The following RGS7 variants were observed in gnomAD, a reference collection of about 807,000 sequenced individuals.
RGS7 encodes regulator of G protein signaling 7.
RGS7 carries 27 observed loss-of-function variants against 81.1 expected under a neutral mutation model. The ratio of observed to expected loss-of-function variants is 0.33; its 90% CI spans 0.25 to 0.46. The LOEUF (loss-of-function observed/expected upper bound fraction) is 0.46, where lower values mean the gene tolerates loss of function less well. Ranked by LOEUF, RGS7 falls within the 20% of genes least tolerant of loss-of-function variation. The pLI, the probability that RGS7 is intolerant of heterozygous loss-of-function variation, is 1.00. For missense variants in RGS7, 396 were observed against 607.4 expected (o/e 0.65, Z 3.66); for synonymous variants, 208 against 207.7 (o/e 1.00, Z -0.01).
intron 3 of RGS7, among the ~76,000 whole-genome samples, chr1:241,007,591 TAGAA>T (rs1158437873): frequency 4.6e-5 from 7 of 152,248 alleles, no homozygotes; most frequent in South Asian, 4.1e-4. Context: ...TTTTCTGAGA[TAGAA>T]AGAAAGAATT....
At chr1:240,874,678 G>C (rs534999884) in intron 6 of RGS7, among the ~76,000 whole-genome samples, 2 of 152,224 alleles carry the variant, frequency 1.3e-5, no homozygotes, top group South Asian at 4.2e-4. Flanking sequence ...GCTTTGCTAT[G>C]ACTAAATCAA....
chr1:241,278,842 C>T (rs1437313503), intron 2 of RGS7, among the ~76,000 whole-genome samples: 1 of 152,220 alleles, frequency 6.6e-6, no homozygotes, highest in Admixed American at 6.5e-5. Context: ...CCTGTTCAGA[C>T]ACTGACATTT....
In RGS7 at chr1:241,292,850, AG is replaced by A. The variant is rs144275332; in HGVS notation, c.78+62848del. Among the ~76,000 whole-genome samples the A allele has an allele frequency of 2.3e-3, 350 of 152,354 alleles. 3 individuals carry two copies. Among genetic ancestry groups the A allele is most frequent in the Middle Eastern group, 0.01 (3 of 294 alleles). On this transcript the variant is annotated intron_variant, in intron 2 of 18. Transcript: ENST00000440928. Reference sequence around the variant, plus strand: ...AGAAACAATTATTCTGAAAATGTAGAGGAAAAGTATAGCTCTTTAAAATTAT... The same window carrying A: ...AGAAACAATTATTCTGAAAATGTAGAGAAAAGTATAGCTCTTTAAAATTAT...
intron 9 of RGS7, among the ~76,000 whole-genome samples, chr1:240,853,214 T>C (rs140915692): frequency 5.9e-4 from 90 of 152,316 alleles, no homozygotes; most frequent in African/African-American, 2.1e-3. Context: ...TTGGAGAATG[T>C]ATCAGTTGCA....
chr1:241,169,171 CAT>C (rs1183588422), intron 2 of RGS7, among the ~76,000 whole-genome samples: 1 of 151,490 alleles, frequency 6.6e-6, no homozygotes, highest in Non-Finnish European at 1.5e-5. Flanking sequence ...TTTATACACA[CAT>C]GTAATATATA....
At chr1:240,997,801 G>C (rs1368859188) in intron 3 of RGS7, among the ~76,000 whole-genome samples, 3 of 152,216 alleles carry the variant, frequency 2.0e-5, no homozygotes, top group African/African-American at 7.2e-5. Flanking sequence ...TCCAGCCTGG[G>C]CAACAGAGCA....
intron 2 of RGS7, among the ~76,000 whole-genome samples, chr1:241,269,229 C>T (rs755166184): frequency 7.9e-5 from 12 of 152,244 alleles, no homozygotes; most frequent in Non-Finnish European, 1.3e-4. Flanking sequence ...CCAGCCTAGA[C>T]GCCTTGGCTG....
At chr1:241,335,688 A>AACACAC (rs112464128) in intron 2 of RGS7, among the ~76,000 whole-genome samples, 18 of 150,564 alleles carry the variant, frequency 1.2e-4, no homozygotes, top group Non-Finnish European at 2.2e-4. Context: ...AAGATTTTAA[A>AACACAC]ACACACACAC....
chr1:241,062,345 G>A (rs966295226), intron 3 of RGS7, among the ~76,000 whole-genome samples: 3 of 152,008 alleles, frequency 2.0e-5, no homozygotes, highest in African/African-American at 4.8e-5. Context: ...ATGCTTGGCC[G>A]GCCAACAACC....
At chr1:241,012,490 A>G (rs540296977) in intron 3 of RGS7, among the ~76,000 whole-genome samples, 23 of 152,290 alleles carry the variant, frequency 1.5e-4, no homozygotes, top group African/African-American at 5.5e-4. Flanking sequence ...CATAATAGGC[A>G]AGATTAAACC....
intron 3 of RGS7, among the ~76,000 whole-genome samples, chr1:241,052,725 T>C (rs2061315327): frequency 6.6e-6 from 1 of 151,996 alleles, no homozygotes; most frequent in African/African-American, 2.4e-5. Flanking sequence ...ATTGAACTAA[T>C]AGCTATTCCC....
chr1:240,986,412 T>C (rs902002547), intron 3 of RGS7, among the ~76,000 whole-genome samples: 1 of 152,156 alleles, frequency 6.6e-6, no homozygotes, highest in Non-Finnish European at 1.5e-5. Flanking sequence ...TCAAACATTA[T>C]CTACTCCAGG....
intron 4 of RGS7, among the ~76,000 whole-genome samples, chr1:240,969,994 G>C (rs962408069): frequency 6.6e-6 from 1 of 152,148 alleles, no homozygotes; most frequent in Non-Finnish European, 1.5e-5. Context: ...TTCTCTTGGA[G>C]TTCAGAATAA....
intron 2 of RGS7, among the ~76,000 whole-genome samples, chr1:241,319,732 T>C (rs780573884): frequency 2.6e-5 from 4 of 152,146 alleles, no homozygotes; most frequent in African/African-American, 4.8e-5. Flanking sequence ...AAAGATAACA[T>C]AATCATATCT....
chr1:240,928,197 G>T (rs943919372), intron 6 of RGS7, among the ~76,000 whole-genome samples: 3 of 152,182 alleles, frequency 2.0e-5, no homozygotes, highest in African/African-American at 4.8e-5. Flanking sequence ...GGGTCTGGAA[G>T]GTTGTAGTGC....
intron 2 of RGS7, among the ~76,000 whole-genome samples, chr1:241,106,186 T>G (rs2065085052): frequency 6.6e-6 from 1 of 152,244 alleles, no homozygotes; most frequent in South Asian, 2.1e-4. Context: ...GATTAAAATT[T>G]GCAAGACAAA....
chr1:240,980,071 C>A (rs562845726), intron 4 of RGS7, among the ~76,000 whole-genome samples: 1 of 152,072 alleles, frequency 6.6e-6, no homozygotes, highest in East Asian at 1.9e-4. Context: ...AAAAAAAATC[C>A]AAAATTTTAA....
At chr1:241,200,548 C>T (rs2073426636) in intron 2 of RGS7, among the ~76,000 whole-genome samples, 1 of 152,162 alleles carries the variant, frequency 6.6e-6, no homozygotes. Flanking sequence ...TTAGCTCCTT[C>T]CCTACATCCT....
At chr1:241,118,841 G>A (rs1253704101) in intron 2 of RGS7, among the ~76,000 whole-genome samples, 2 of 151,916 alleles carry the variant, frequency 1.3e-5, no homozygotes, top group Non-Finnish European at 2.9e-5. Context: ...CACAACAATG[G>A]GTACACATAG....
Sources: gnomAD v4.1 joint callset for allele counts (sites outside exome capture counted in the v4.1 genomes callset) on GRCh38, gnomAD v4.1.1 for gene constraint, MANE v1.5 for transcripts, NCBI Gene and HGNC (gene_info 2026-07-23, HGNC 2026-07-21) for gene names.